GLI3: variants seen among roughly 807,000 people sequenced by gnomAD.
GLI3 encodes the protein GLI family zinc finger 3, also known as transcription activator GLI3.
Under a neutral mutation model 100.8 loss-of-function variants are expected in GLI3, and 20 were observed. That is an observed-to-expected ratio of 0.20 (90% CI 0.14 to 0.29). The LOEUF is 0.29. Among genes scored for constraint, GLI3 ranks in the 10% least tolerant of loss-of-function variants. GLI3 has a pLI of 1.00. For synonymous variants in GLI3, 938 were observed against 860.5 expected, an observed-to-expected ratio of 1.09 and a Z score of -1.58; for missense variants, 2,040 against 2,128.5, an observed-to-expected ratio of 0.96 and a Z score of 0.82.
chr7:42,170,698 G>A (rs1210276473), intron 2 of GLI3, among the ~76,000 whole-genome samples: 4 of 152,164 alleles, frequency 2.6e-5, no homozygotes, highest in Admixed American at 1.3e-4. Context: ...CACCACGTCT[G>A]GCCTTGCTGA....
chr7:42,171,594 A>C, intron 2 of GLI3, among the ~76,000 whole-genome samples: 1 of 152,264 alleles, frequency 6.6e-6, no homozygotes, highest in Non-Finnish European at 1.5e-5. Flanking sequence ...AACCATAATC[A>C]AATGCTACAG....
chr7:42,165,528 T>G (rs1425095831), intron 2 of GLI3, among the ~76,000 whole-genome samples: 1 of 152,226 alleles, frequency 6.6e-6, no homozygotes, highest in African/African-American at 2.4e-5. Flanking sequence ...CAAATTAGTT[T>G]AATTTCACTG....
intron 10 of GLI3, among the ~76,000 whole-genome samples, chr7:41,980,410 G>T (rs1787628670): frequency 6.6e-6 from 1 of 152,198 alleles, no homozygotes; most frequent in Non-Finnish European, 1.5e-5. Flanking sequence ...TTTCCCAAAT[G>T]TGTGCTGAAG....
chr7:42,198,591 G>C (rs1164318690), intron 2 of GLI3, among the ~76,000 whole-genome samples: 1 of 152,138 alleles, frequency 6.6e-6, no homozygotes, highest in Non-Finnish European at 1.5e-5. Flanking sequence ...ATCTGAAGGT[G>C]GTTTGGCAAG....
intron 2 of GLI3, among the ~76,000 whole-genome samples, chr7:42,196,611 C>T (rs1787932645): frequency 6.6e-6 from 1 of 152,200 alleles, no homozygotes; most frequent in African/African-American, 2.4e-5. Flanking sequence ...AAAGTTCACA[C>T]TATAAGTTTA....
intron 10 of GLI3, among the ~76,000 whole-genome samples, chr7:41,988,135 T>G (rs1407919008): frequency 6.6e-6 from 1 of 152,146 alleles, no homozygotes. Flanking sequence ...AATCCATATG[T>G]TGAAACTTAA....
chr7:42,099,249 T>A, intron 3 of GLI3, among the ~76,000 whole-genome samples: 1 of 152,210 alleles, frequency 6.6e-6, no homozygotes, highest in East Asian at 1.9e-4. Context: ...AGGAAATACA[T>A]ATGCAAGCCA....
chr7:41,966,080 G>C lies in GLI3; in HGVS notation c.2993C>G (p.Pro998Arg), dbSNP rs929387. The change falls in exon 15 of 15, where the codon CCG becomes CGG. Residue 998 changes from proline to arginine, a missense_variant. By Grantham distance (103) the Pro-to-Arg change is moderately radical. Around this residue, in one of 5 missense-constraint regions of GLI3, gnomAD observed 1,041 missense variants for 924.0 expected, o/e 1.13. Transcript: ENST00000395925. This position sits in a 1 kb window ranked among gnomAD's most constrained non-coding sequence, Gnocchi z 5.8. ...GCTGGCCCTCCTCACGCCGTGGCCC[G>C]GCGCATCGTGCGGCTGCAGGTGGCG... ...GRRHLQPHDA[P>R]GHGVRRASDP... 3 of 1,568,120 alleles carry C rather than the reference G, an allele frequency of 1.9e-6. No individual in the cohort carries two copies. The highest frequency in any genetic ancestry group is 2.6e-6 in the Non-Finnish European group (3 of 1,163,216).
chr7:42,119,861 CCT>C (rs957614665), intron 3 of GLI3, among the ~76,000 whole-genome samples: 15 of 152,244 alleles, frequency 9.9e-5, no homozygotes, highest in South Asian at 4.2e-4. Flanking sequence ...CTTTCTACCC[CCT>C]GTTTGGTTCC....
intron 2 of GLI3, among the ~76,000 whole-genome samples, chr7:42,221,285 A>G (rs1788482589): frequency 6.6e-6 from 1 of 152,218 alleles, no homozygotes; most frequent in Admixed American, 6.5e-5. Flanking sequence ...CAGGTGTGGT[A>G]GTGGCACAAA....
chr7:42,094,928 T>G (rs1251583023), intron 3 of GLI3, among the ~76,000 whole-genome samples: 1 of 151,778 alleles, frequency 6.6e-6, no homozygotes, highest in Non-Finnish European at 1.5e-5. Flanking sequence ...GCATCCCAGG[T>G]CCAAAGACCG....
At chr7:42,182,446 A>C (rs1787611522) in intron 2 of GLI3, among the ~76,000 whole-genome samples, 1 of 150,880 alleles carries the variant, frequency 6.6e-6, no homozygotes, top group African/African-American at 2.4e-5. Context: ...AAATTAAAAA[A>C]ATAATAATAA....
At chr7:42,129,681 G>T (rs1786224326) in intron 3 of GLI3, among the ~76,000 whole-genome samples, 1 of 152,052 alleles carries the variant, frequency 6.6e-6, no homozygotes, top group Non-Finnish European at 1.5e-5. Context: ...TGAGGTGGCG[G>T]GCGCCTGTAA....
rs566243593 is a variant in GLI3 at position 41,987,384 on chromosome 7, G to A, written c.1498-8636C>T. Among the ~76,000 whole-genome samples, 9 of 152,274 alleles carry A rather than the reference G, an allele frequency of 5.9e-5. No homozygotes were observed. The South Asian group carries it at 1.9e-3, about 32-fold the overall frequency. On this transcript the variant is annotated intron_variant, in intron 10 of 14. Coordinates refer to ENST00000395925, the MANE Select transcript of GLI3 (RefSeq NM_000168.6). Reference sequence around the variant, plus strand: ...GGGTTTCACTGTATTGGCCAGGCTGGTCTTGAGCTCCTGACCTCATGATCC... The same window carrying A: ...GGGTTTCACTGTATTGGCCAGGCTGATCTTGAGCTCCTGACCTCATGATCC...
intron 2 of GLI3, chr7:42,172,617 C>T: frequency 1.4e-6 from 1 of 703,052 alleles, no homozygotes; most frequent in Non-Finnish European, 2.6e-6. Context: ...TGTGCAGCAG[C>T]AGGGATGGAC....
rs77170102 is a variant in GLI3, at chr7:41,968,132, A to C, written c.2104-209T>G. On this transcript the variant is annotated intron_variant, in intron 13 of 14. Coordinates refer to ENST00000395925, the MANE Select transcript of GLI3 (RefSeq NM_000168.6). Reference sequence around the variant, plus strand: ...CTGATGGGCAACAGGAGGCAATGGAAAGCAGAGAATGCTAGCTGCAGTGTG... The same window carrying C: ...CTGATGGGCAACAGGAGGCAATGGACAGCAGAGAATGCTAGCTGCAGTGTG... Among the ~76,000 whole-genome samples the C allele has an allele frequency of 0.065, 9,885 of 152,270 alleles. 361 individuals carry two copies. The highest frequency in any genetic ancestry group is 0.086 in the Non-Finnish European group (5,882 of 68,022).
At chr7:42,142,934 C>CAAAAAAAAAAAAA in intron 3 of GLI3, among the ~76,000 whole-genome samples, 1 of 76,922 alleles carries the variant, frequency 1.3e-5, no homozygotes, top group Non-Finnish European at 2.4e-5. Context: ...ACTCTGTCTC[C>CAAAAAAAAAAAAA]AAAAAAAAAA....
At position 42,219,808 on chromosome 7, in the gene GLI3, G is replaced by A. The variant is rs562438191; in HGVS notation, c.124+3322C>T. On this transcript the variant is annotated intron_variant, in intron 2 of 14. Coordinates refer to ENST00000395925, the MANE Select transcript of GLI3 (RefSeq NM_000168.6). The stretch of plus-strand genomic sequence containing the variant: ...TTTAATCATGAAATGGTGGATAGGA[G>A]AGAAAATGCAGGTATCACATTCATT... Among the ~76,000 whole-genome samples the A allele has an allele frequency of 2.0e-5, 3 of 151,442 alleles. No individual in the cohort carries two copies. The East Asian group carries it at 5.8e-4, about 29-fold the overall frequency.
Position 41,967,688 on chromosome 7 carries a change from A to C in GLI3, c.2339T>G (p.Leu780Arg). Residue 780 changes from leucine to arginine, a missense_variant, in exon 14 of 15, where the codon CTA becomes CGA. By Grantham distance (102) the Leu-to-Arg change is moderately radical. Around this residue, in one of 5 missense-constraint regions of GLI3, gnomAD observed 327 missense variants for 338.7 expected, o/e 0.97. Coordinates refer to ENST00000395925, the MANE Select transcript of GLI3 (RefSeq NM_000168.6). ...TCCATTCACTTGTTTTAGCCTTTCT[A>C]GTTTTACGTGCTCCATCCATTTGGT... Reference protein sequence around the residue: ...AGTKWMEHVKLERLKQVNGMF... With the variant: ...AGTKWMEHVKRERLKQVNGMF... The C allele has an allele frequency of 6.2e-7, 1 of 1,614,156 alleles. No homozygotes were observed. Among genetic ancestry groups the C allele is most frequent in the Non-Finnish European group, 8.5e-7 (1 of 1,180,024 alleles).
Sources: gnomAD v4.1 joint callset for allele counts (sites outside exome capture counted in the v4.1 genomes callset) on GRCh38, gnomAD v4.1.1 for gene constraint, gnomAD v4.1.1 regional missense constraint, Gnocchi (gnomAD v3.1) non-coding constraint, MANE v1.5 for transcripts, NCBI Gene and HGNC (gene_info 2026-07-23, HGNC 2026-07-21) for gene names.